The following AFF2 variants were observed in gnomAD, a reference collection of about 807,000 sequenced individuals.
The protein encoded by AFF2 is ALF transcription elongation factor 2, also known as AF4/FMR2 family member 2.
A neutral mutation model predicts 76.9 loss-of-function variants in AFF2; 14 were observed. The ratio of observed to expected loss-of-function variants is 0.18; its 90% CI spans 0.12 to 0.28. The LOEUF is 0.28. AFF2 is among the 10% of genes least tolerant of loss of function. The pLI is 1.00. For missense variants in AFF2, 868 were observed against 1,001.1 expected (o/e 0.87, Z 1.79); for synonymous variants, 398 against 366.7 (o/e 1.09, Z -0.98).
At chrX:148,707,320 T>C (rs2054897593) in intron 3 of AFF2, among the ~76,000 whole-genome samples, 1 of 111,199 alleles carries the variant, frequency 9.0e-6, no homozygotes, top group Non-Finnish European at 1.9e-5. Flanking sequence ...TTTTATCTAT[T>C]CGTTGTAGAG....
chrX:148,745,990 G>A (rs1419618879), intron 3 of AFF2, among the ~76,000 whole-genome samples: 1 of 111,135 alleles, frequency 9.0e-6, no homozygotes, highest in Admixed American at 9.6e-5. Flanking sequence ...TGATCCACCC[G>A]CCTCAGCCTT....
chrX:148,839,277 G>T (rs1383256997), intron 5 of AFF2, among the ~76,000 whole-genome samples: 1 of 112,018 alleles, frequency 8.9e-6, no homozygotes, highest in South Asian at 3.7e-4. Context: ...AATGGTGAAA[G>T]CAAGAAGTCT....
chrX:148,802,106 T>C (rs1285357661), intron 3 of AFF2, among the ~76,000 whole-genome samples: 2 of 112,527 alleles, frequency 1.8e-5, no homozygotes, highest in African/African-American at 3.2e-5. Context: ...TGACATGTCA[T>C]AGATAATATG....
chrX:148,904,390 A>G (rs782647541), intron 9 of AFF2, 132 bp downstream of exon 9: 1 of 440,841 alleles, frequency 2.3e-6, no homozygotes, highest in African/African-American at 2.5e-5. Context: ...ACAAAAACAA[A>G]ACAAGCCAAA....
intron 7 of AFF2, among the ~76,000 whole-genome samples, chrX:148,885,317 G>A (rs896525440): frequency 9.0e-6 from 1 of 111,690 alleles, no homozygotes; most frequent in Non-Finnish European, 1.9e-5. Flanking sequence ...TTTACAGGAA[G>A]AGATCGGTCA....
At chrX:148,578,764 A>G in intron 1 of AFF2, among the ~76,000 whole-genome samples, 1 of 112,084 alleles carries the variant, frequency 8.9e-6, no homozygotes, top group Admixed American at 9.5e-5. Context: ...TTTGCAGGGC[A>G]AAAATATTTG....
In AFF2 at chrX:148,987,413, G is replaced by T. The variant is rs374197610; in HGVS notation, c.3670G>T (p.Ala1224Ser). The T allele has an allele frequency of 8.3e-7, 1 of 1,208,357 alleles. No individual in the cohort carries two copies. ...TCTCAACAACGTCTCCCCCATCAAC[G>T]CAATGGGGAACTGTAACAATGGCCC... ...VSLNNVSPIN[A>S]MGNCNNGPVT... The change falls in exon 20 of 21, where the codon GCA becomes TCA. Residue 1224 changes from alanine (A) to serine (S), a missense_variant. By Grantham distance (99) the Ala-to-Ser change is moderately conservative. Transcript: ENST00000370460.
intron 16 of AFF2, among the ~76,000 whole-genome samples, chrX:148,977,166 A>G (rs1216746297): frequency 1.8e-5 from 2 of 112,312 alleles, no homozygotes; most frequent in African/African-American, 6.5e-5. Context: ...TAAAGCTCAG[A>G]CAATGATTTT....
chrX:148,952,842 G>T (rs972407942), intron 9 of AFF2, among the ~76,000 whole-genome samples: 1 of 111,721 alleles, frequency 9.0e-6, no homozygotes, highest in African/African-American at 3.3e-5. Flanking sequence ...AAAAAGTATG[G>T]TGGAGGAGGC....
At position 148,996,922 on chromosome X, in the gene AFF2, T is replaced by C. The variant is rs782470194; in HGVS notation, c.*5590T>C. 8.9e-6 allele frequency: 1 copy of C among 112,403 alleles called. No individual in the cohort carries two copies. Among genetic ancestry groups the C allele is most frequent in the South Asian group, 3.8e-4 (1 of 2,665 alleles). 9.3% of individuals were successfully genotyped at this position (112,403 alleles called of 1,213,427 possible). ...ACAAATGCTATTTGTAACTTTTACA[T>C]GTAACTAGGATAAAGTATTTACGGG... On this transcript the variant is annotated 3_prime_UTR_variant, in exon 21 of 21. Coordinates refer to ENST00000370460, the MANE Select transcript of AFF2 (RefSeq NM_002025.4).
At chrX:148,856,161 T>C (rs184692758) in intron 7 of AFF2, among the ~76,000 whole-genome samples, 1 of 111,706 alleles carries the variant, frequency 9.0e-6, no homozygotes, top group African/African-American at 3.2e-5. Flanking sequence ...ACGTCTTAAA[T>C]GTATAGATAT....
In AFF2 at chrX:148,550,700, G is replaced by A. The variant is rs150003795; in HGVS notation, c.47+49556G>A. On this transcript the variant is annotated intron_variant, in intron 1 of 20. Coordinates refer to ENST00000370460, the MANE Select transcript of AFF2 (RefSeq NM_002025.4). ...ATTTTCAACTTATGATGGGTTTATC[G>A]AGGGGCATCTGCGAATACGTATGTG... Among the ~76,000 whole-genome samples, 772 of 111,038 alleles carry A rather than the reference G, an allele frequency of 7.0e-3. 6 individuals are homozygous for A. The highest frequency in any genetic ancestry group is 0.024 in the African/African-American group (738 of 30,532).
intron 9 of AFF2, among the ~76,000 whole-genome samples, chrX:148,920,726 C>T (rs2071585052): frequency 9.1e-6 from 1 of 110,175 alleles, no homozygotes; most frequent in African/African-American, 3.3e-5. Context: ...ATTTTGAGCC[C>T]TTAATATTAC....
intron 1 of AFF2, among the ~76,000 whole-genome samples, chrX:148,603,417 G>T (rs1557248358): frequency 2.4e-4 from 25 of 105,850 alleles, no homozygotes; most frequent in Non-Finnish European, 3.9e-5. Context: ...TAACAGACTG[G>T]CTAGATATAA....
chrX:148,527,669 G>A (rs2052680101), intron 1 of AFF2, among the ~76,000 whole-genome samples: 1 of 111,505 alleles, frequency 9.0e-6, no homozygotes, highest in Non-Finnish European at 1.9e-5. Flanking sequence ...CTATTTTAAT[G>A]TTCTTACAGC....
chrX:148,740,467 A>G (rs1227113200), intron 3 of AFF2, among the ~76,000 whole-genome samples: 2 of 111,138 alleles, frequency 1.8e-5, no homozygotes, highest in African/African-American at 6.6e-5. Flanking sequence ...AGCATTTCAC[A>G]TTTCTAAAAG....
intron 1 of AFF2, among the ~76,000 whole-genome samples, chrX:148,632,738 G>C (rs2053992391): frequency 1.8e-5 from 2 of 111,992 alleles, no homozygotes; most frequent in African/African-American, 6.5e-5. Context: ...GTTATGTAAA[G>C]ATGAATGTAA....
At chrX:148,926,329 G>C (rs190925514) in intron 9 of AFF2, among the ~76,000 whole-genome samples, 1 of 112,174 alleles carries the variant, frequency 8.9e-6, no homozygotes, top group Admixed American at 9.4e-5. Context: ...CTTTTGCCAA[G>C]AGCGACCTAA....
intron 3 of AFF2, among the ~76,000 whole-genome samples, chrX:148,756,324 A>G (rs1234370302): frequency 8.9e-6 from 1 of 112,570 alleles, no homozygotes. Context: ...AAGAACAGTT[A>G]GCAAATTAAT....
Sources: gnomAD v4.1 joint callset for allele counts (sites outside exome capture counted in the v4.1 genomes callset) on GRCh38, gnomAD v4.1.1 for gene constraint, MANE v1.5 for transcripts, NCBI Gene and HGNC (gene_info 2026-07-23, HGNC 2026-07-21) for gene names.